Variants in WWOX observed in about 807,000 individuals in gnomAD.
WWOX encodes WW domain containing oxidoreductase, also known as WW domain-containing oxidoreductase.
WWOX carries 69 observed loss-of-function variants against 46.2 expected under a neutral mutation model. The observed-to-expected ratio is 1.49, with a 90% CI of 1.23 to 1.82. WWOX has a LOEUF of 1.82. Among genes scored for constraint, WWOX ranks in the 40% most tolerant of loss-of-function variants. The pLI, the probability that WWOX is intolerant of heterozygous loss-of-function variation, is 0.00. For missense variants in WWOX, 919 were observed against 542.6 expected, an observed-to-expected ratio of 1.69 and a Z score of -6.89; for synonymous variants, 359 against 202.6, an observed-to-expected ratio of 1.77 and a Z score of -6.56.
At chr16:78,659,113 C>CA (rs78729297) in intron 8 of WWOX, among the ~76,000 whole-genome samples, 4,526 of 142,946 alleles carry the variant, frequency 0.032, 184 homozygotes, top group African/African-American at 0.1. Flanking sequence ...AACAAACAAA[C>CA]AAAAAAAAAA....
At chr16:78,949,136 C>T (rs1001204187) in intron 8 of WWOX, among the ~76,000 whole-genome samples, 3 of 152,120 alleles carry the variant, frequency 2.0e-5, no homozygotes, top group Non-Finnish European at 4.4e-5. Flanking sequence ...CTGAATTCTG[C>T]CAATAACCTG....
intron 8 of WWOX, among the ~76,000 whole-genome samples, chr16:78,877,622 A>T (rs1044414559): frequency 3.9e-5 from 6 of 152,218 alleles, no homozygotes; most frequent in African/African-American, 1.4e-4. Context: ...GTGGACATAG[A>T]TAGAGACATA....
At chr16:78,487,506 G>A (rs992381079) in intron 8 of WWOX, among the ~76,000 whole-genome samples, 3 of 152,164 alleles carry the variant, frequency 2.0e-5, no homozygotes, top group Non-Finnish European at 4.4e-5. Context: ...GTTTGCGAGA[G>A]GCATGGCTCC....
chr16:78,494,917 T>C (rs948041769), intron 8 of WWOX, among the ~76,000 whole-genome samples: 1 of 152,168 alleles, frequency 6.6e-6, no homozygotes, highest in Admixed American at 6.5e-5. Flanking sequence ...GAGAGGCTTG[T>C]TATTTCCTCT....
At chr16:78,309,913 T>C (rs2080208010) in intron 5 of WWOX, among the ~76,000 whole-genome samples, 1 of 152,094 alleles carries the variant, frequency 6.6e-6, no homozygotes, top group African/African-American at 2.4e-5. Flanking sequence ...AATAATTGGA[T>C]GTATGGCAGG....
intron 8 of WWOX, among the ~76,000 whole-genome samples, chr16:79,059,494 G>C (rs1351010899): frequency 6.6e-6 from 1 of 152,150 alleles, no homozygotes; most frequent in Non-Finnish European, 1.5e-5. Context: ...TTATTTATAT[G>C]TTTTTTCTTT....
At chr16:78,140,674 C>T (rs1487141142) in intron 4 of WWOX, among the ~76,000 whole-genome samples, 1 of 152,156 alleles carries the variant, frequency 6.6e-6, no homozygotes, top group Non-Finnish European at 1.5e-5. Flanking sequence ...TTCTGATCTC[C>T]TCTTCTTCTA....
chr16:78,697,784 C>T (rs542146059), intron 8 of WWOX, among the ~76,000 whole-genome samples: 30 of 152,206 alleles, frequency 2.0e-4, no homozygotes, highest in African/African-American at 6.7e-4. Flanking sequence ...ATTTTCAACT[C>T]GGTATAGGGT....
intron 8 of WWOX, among the ~76,000 whole-genome samples, chr16:79,142,099 T>G (rs2050101373): frequency 6.6e-6 from 1 of 152,190 alleles, no homozygotes; most frequent in African/African-American, 2.4e-5. Flanking sequence ...CCTTACTTCT[T>G]CCTGCCTGTC....
chr16:78,144,442 TATATAC>T (rs1451200271), intron 4 of WWOX, among the ~76,000 whole-genome samples: 1 of 19,334 alleles, frequency 5.2e-5, no homozygotes, highest in African/African-American at 2.7e-4. Context: ...TATATATATA[TATATAC>T]ACATATATAT....
rs182250112 is a variant in WWOX at position 78,381,591 on chromosome 16, A to G, written c.517-5269A>G. Among the ~76,000 whole-genome samples, 590 of 152,334 alleles carry G rather than the reference A, an allele frequency of 3.9e-3. 4 individuals carry two copies. Among genetic ancestry groups the G allele is most frequent in the African/African-American group, 0.012 (505 of 41,568 alleles). Reference sequence around the variant, plus strand: ...AGTCTGTATACATAATTTAAAATACATTAACATTTCTGTTTTGCCTGAGAT... The same window carrying G: ...AGTCTGTATACATAATTTAAAATACGTTAACATTTCTGTTTTGCCTGAGAT... On this transcript the variant is annotated intron_variant, in intron 5 of 8. Transcript: ENST00000566780.
chr16:78,780,319 C>T (rs538338977), intron 8 of WWOX: 1 of 152,344 alleles, frequency 6.6e-6, no homozygotes, highest in East Asian at 1.9e-4. Context: ...CATTCACTCA[C>T]TCATGAATTG....
chr16:78,426,814 C>A (rs912060306), intron 7 of WWOX, among the ~76,000 whole-genome samples: 1 of 152,130 alleles, frequency 6.6e-6, no homozygotes, highest in Non-Finnish European at 1.5e-5. Flanking sequence ...CAGGCGCTTG[C>A]CACCACACCT....
chr16:78,883,908 G>C (rs143331339), intron 8 of WWOX, among the ~76,000 whole-genome samples: 60 of 152,162 alleles, frequency 3.9e-4, no homozygotes, highest in African/African-American at 1.4e-3. Context: ...CTTTATGATA[G>C]TAACATCAGT....
intron 8 of WWOX, among the ~76,000 whole-genome samples, chr16:78,503,324 C>T (rs1001413969): frequency 6.6e-6 from 1 of 152,136 alleles, no homozygotes; most frequent in South Asian, 2.1e-4. Context: ...TCAGGTCTAC[C>T]TATAAGTACC....
Position 78,099,683 on chromosome 16 carries a change from C to T in WWOX, c.-96C>T, listed in dbSNP as rs775739293. The T allele has an allele frequency of 5.6e-6, 8 of 1,429,788 alleles. No homozygotes were observed. Among genetic ancestry groups the T allele is most frequent in the African/African-American group, 1.5e-5 (1 of 68,040 alleles). 88.6% of individuals were successfully genotyped at this position (1,429,788 alleles called of 1,614,324 possible). On this transcript the variant is annotated 5_prime_UTR_variant, in exon 1 of 9. Coordinates refer to ENST00000566780, the MANE Select transcript of WWOX (RefSeq NM_016373.4). ...TGCGCAGGCGTGAGCGGTCGGGCCC[C>T]GACGCGCGCGGGTCTCGTTTGGAGC...
intron 8 of WWOX, among the ~76,000 whole-genome samples, chr16:78,511,661 G>A (rs951390020): frequency 6.6e-6 from 1 of 152,180 alleles, no homozygotes; most frequent in African/African-American, 2.4e-5. Context: ...GGAGCTAAGT[G>A]TCAATATCTG....
chr16:78,955,935 A>G (rs937098818), intron 8 of WWOX, among the ~76,000 whole-genome samples: 2 of 152,136 alleles, frequency 1.3e-5, no homozygotes, highest in South Asian at 2.1e-4. Flanking sequence ...TGCATGAGCC[A>G]CCATGCCTGG....
intron 8 of WWOX, among the ~76,000 whole-genome samples, chr16:78,978,682 C>G (rs11150126): frequency 0.16 from 23,878 of 152,144 alleles, 1,906 homozygotes; most frequent in Middle Eastern, 0.3. Context: ...CATCTTACAT[C>G]GCCAGAGCAG....
Sources: gnomAD v4.1 joint callset for allele counts (sites outside exome capture counted in the v4.1 genomes callset) on GRCh38, gnomAD v4.1.1 for gene constraint, MANE v1.5 for transcripts, NCBI Gene and HGNC (gene_info 2026-07-23, HGNC 2026-07-21) for gene names.